SH2D4A: variants seen among roughly 807,000 people sequenced by gnomAD.
The protein encoded by SH2D4A is SH2 domain containing 4A.
Under a neutral mutation model 64.7 loss-of-function variants are expected in SH2D4A, and 70 were observed. The ratio of observed to expected loss-of-function variants is 1.08; its 90% CI spans 0.89 to 1.32. The LOEUF (loss-of-function observed/expected upper bound fraction) is 1.32, where lower values mean the gene tolerates loss of function less well. SH2D4A is among the 40% of genes most tolerant of loss of function. The pLI is 0.00. For synonymous variants in SH2D4A, 268 were observed against 200.7 expected, an observed-to-expected ratio of 1.34 and a Z score of -2.83; for missense variants, 706 against 540.1, an observed-to-expected ratio of 1.31 and a Z score of -3.04.
At chr8:19,356,519 G>A (rs1280189269) in intron 4 of SH2D4A, among the ~76,000 whole-genome samples, 1 of 152,200 alleles carries the variant, frequency 6.6e-6, no homozygotes, top group East Asian at 1.9e-4. Flanking sequence ...ACTGATGGGG[G>A]CCTGTGTCTT....
chr8:19,324,709 T>C (rs1371331407), intron 2 of SH2D4A, among the ~76,000 whole-genome samples: 2 of 152,172 alleles, frequency 1.3e-5, no homozygotes, highest in African/African-American at 4.8e-5. Flanking sequence ...ACTGGTGGTT[T>C]GTGGTTTTGA....
chr8:19,358,704 T>C (rs1299409901), intron 5 of SH2D4A, among the ~76,000 whole-genome samples: 1 of 152,186 alleles, frequency 6.6e-6, no homozygotes, highest in East Asian at 1.9e-4. Context: ...AACAGAGGCA[T>C]CCTCCTTTGG....
chr8:19,365,673 C>A (rs2052981275), intron 7 of SH2D4A, among the ~76,000 whole-genome samples: 1 of 152,160 alleles, frequency 6.6e-6, no homozygotes, highest in Non-Finnish European at 1.5e-5. Context: ...TTCAGCTGTG[C>A]TCAGTTAGCT....
At chr8:19,337,587 C>T (rs1228011777) in intron 4 of SH2D4A, among the ~76,000 whole-genome samples, 1 of 152,136 alleles carries the variant, frequency 6.6e-6, no homozygotes, top group Non-Finnish European at 1.5e-5. Flanking sequence ...CTGATAAAGA[C>T]ATACCCAAGA....
chr8:19,366,836 G>T (rs1367042835), intron 7 of SH2D4A, among the ~76,000 whole-genome samples: 1 of 152,158 alleles, frequency 6.6e-6, no homozygotes, highest in Non-Finnish European at 1.5e-5. Flanking sequence ...ACAGAAGAGT[G>T]AGGTCATGCA....
At chr8:19,356,969 G>A (rs536363620) in intron 4 of SH2D4A, among the ~76,000 whole-genome samples, 1 of 152,148 alleles carries the variant, frequency 6.6e-6, no homozygotes, top group Non-Finnish European at 1.5e-5. Context: ...CCAGCTCCTC[G>A]CTCTTGGGCA....
At chr8:19,372,356 G>C (rs2053116875) in intron 7 of SH2D4A, among the ~76,000 whole-genome samples, 2 of 152,148 alleles carry the variant, frequency 1.3e-5, no homozygotes, top group Admixed American at 1.3e-4. Context: ...ACTCAAGGAG[G>C]GTACAGGGGC....
At chr8:19,393,271 C>G (rs775253521) in intron 8 of SH2D4A, 47 bp from the exon 9 acceptor site, 2 of 1,567,014 alleles carry the variant, frequency 1.3e-6, no homozygotes, top group African/African-American at 2.7e-5. Flanking sequence ...AGGGGATTTT[C>G]TGGAATGATT....
At chr8:19,336,024 C>G (rs563865796) in intron 4 of SH2D4A, among the ~76,000 whole-genome samples, 1 of 152,256 alleles carries the variant, frequency 6.6e-6, no homozygotes, top group Admixed American at 6.5e-5. Context: ...TATCTCCTGC[C>G]TCCTCCTAGG....
At chr8:19,365,385 C>T (rs143858085) in intron 7 of SH2D4A, among the ~76,000 whole-genome samples, 4 of 152,212 alleles carry the variant, frequency 2.6e-5, no homozygotes, top group East Asian at 1.9e-4. Flanking sequence ...CTTCTCTTAC[C>T]GACAACAAAG....
intron 6 of SH2D4A, among the ~76,000 whole-genome samples, chr8:19,362,451 G>A (rs28525153): frequency 6.6e-6 from 1 of 152,030 alleles, no homozygotes; most frequent in East Asian, 1.9e-4. Flanking sequence ...GTCGCATATA[G>A]TTTTTAGGCC....
intron 2 of SH2D4A, among the ~76,000 whole-genome samples, chr8:19,326,895 G>C (rs2052290267): frequency 6.6e-6 from 1 of 152,164 alleles, no homozygotes; most frequent in African/African-American, 2.4e-5. Flanking sequence ...CTCACCCTCA[G>C]GTGCCCCTGT....
intron 4 of SH2D4A, among the ~76,000 whole-genome samples, chr8:19,355,220 A>G (rs986506354): frequency 3.4e-4 from 51 of 152,056 alleles, no homozygotes; most frequent in Non-Finnish European, 5.4e-4. Flanking sequence ...TTTTTGCAAA[A>G]CGGTGCCCCA....
At chr8:19,321,038 T>C (rs1441239209) in intron 2 of SH2D4A, among the ~76,000 whole-genome samples, 2 of 152,148 alleles carry the variant, frequency 1.3e-5, no homozygotes, top group African/African-American at 4.8e-5. Context: ...TAAACAGAAA[T>C]ATGTCATTTC....
chr8:19,364,704 G>C (rs568381062), intron 7 of SH2D4A, among the ~76,000 whole-genome samples: 107 of 152,252 alleles, frequency 7.0e-4, no homozygotes, highest in Non-Finnish European at 1.4e-3. Flanking sequence ...GAACCCAAAG[G>C]CTTGCTGACT....
intron 2 of SH2D4A, among the ~76,000 whole-genome samples, chr8:19,322,341 C>T (rs2117179374): frequency 6.6e-6 from 1 of 152,188 alleles, no homozygotes; most frequent in South Asian, 2.1e-4. Context: ...CCTGCCTCCC[C>T]TTCTCCCGCC....
At chr8:19,382,823 CTTTT>C (rs1159245319) in intron 8 of SH2D4A, among the ~76,000 whole-genome samples, 1,283 of 64,494 alleles carry the variant, frequency 0.02, 5 homozygotes, top group African/African-American at 0.072. Context: ...TTTTAAGATT[CTTTT>C]TTTTTTTTTT....
chr8:19,367,774 G>A lies in SH2D4A; in HGVS notation c.917+3492G>A, dbSNP rs565029470. On this transcript the variant is annotated intron_variant, in intron 7 of 9. Coordinates refer to ENST00000265807, the MANE Select transcript of SH2D4A (RefSeq NM_022071.4). ...CTTCGGTTGCCTGTGCTTTTGAGGT[G>A]TTACTTTTTAAAAATCTGGGGCTAG... is the stretch of plus-strand genomic sequence containing the variant. Among the ~76,000 whole-genome samples, 7 of 152,072 alleles carry A rather than the reference G, an allele frequency of 4.6e-5. No individual in the cohort carries two copies. The South Asian group carries it at 1.2e-3, about 27-fold the overall frequency.
chr8:19,352,783 C>A (rs2052728520), intron 4 of SH2D4A, among the ~76,000 whole-genome samples: 1 of 151,830 alleles, frequency 6.6e-6, no homozygotes, highest in South Asian at 2.1e-4. Context: ...GAGGTGGGAG[C>A]GTCACTTGAG....
Sources: allele counts gnomAD v4.1 joint callset (sites outside exome capture counted in the v4.1 genomes callset), GRCh38; gene constraint gnomAD v4.1.1; transcripts MANE v1.5; gene names NCBI Gene and HGNC (gene_info 2026-07-23, HGNC 2026-07-21).